The following ESCO2 variants were observed in gnomAD, a reference collection of about 807,000 sequenced individuals.
The protein encoded by ESCO2 is establishment of sister chromatid cohesion N-acetyltransferase 2.
ESCO2 carries 51 observed loss-of-function variants against 61.7 expected under a neutral mutation model. That is an observed-to-expected ratio of 0.83 (90% CI 0.66 to 1.04). ESCO2 has a LOEUF of 1.04. Among genes scored for constraint, ESCO2 ranks in the 50% least tolerant of loss-of-function variants. The pLI is 0.00. For missense variants in ESCO2, 692 were observed against 686.2 expected (o/e 1.01, Z -0.09); for synonymous variants, 230 against 238.2 (o/e 0.97, Z 0.32).
intron 2 of ESCO2, 28 bp from the exon 3 acceptor site, chr8:27,776,334 T>A: frequency 6.4e-7 from 1 of 1,569,888 alleles, no homozygotes; most frequent in Non-Finnish European, 8.7e-7. Flanking sequence ...AAAATAATCT[T>A]ATCAATGGAC....
chr8:27,783,960 T>C, intron 4 of ESCO2, 40 bp from the exon 5 acceptor site: 1 of 1,517,188 alleles, frequency 6.6e-7, no homozygotes, highest in South Asian at 1.1e-5. Flanking sequence ...GCTTTGATTT[T>C]ATTTGGTAAT....
chr8:27,778,291 C>T (rs1585391839), intron 3 of ESCO2: 1 of 152,084 alleles, frequency 6.6e-6, no homozygotes, highest in South Asian at 2.1e-4. Context: ...CCTTGTAAGG[C>T]ATTTAAGTTT....
rs1448108271 is a variant in ESCO2 at position 27,803,636 on chromosome 8, T to C, written c.*198T>C. Reference sequence around the variant, plus strand: ...TCAGGAATAAATTTGTTGAAAATTATCTGGGGATTCAAAGGAAAAATCTTT... The same window carrying C: ...TCAGGAATAAATTTGTTGAAAATTACCTGGGGATTCAAAGGAAAAATCTTT... On this transcript the variant is annotated 3_prime_UTR_variant, in exon 11 of 11. Coordinates refer to ENST00000305188, the MANE Select transcript of ESCO2 (RefSeq NM_001017420.3). The C allele has an allele frequency of 4.4e-6, 6 of 1,358,104 alleles. No homozygotes were observed. The highest frequency in any genetic ancestry group is 4.7e-6 in the Non-Finnish European group (5 of 1,061,634). The allele number at this position is 1,358,104 out of a possible 1,614,324, so 84.1% of individuals were successfully genotyped here. A position where few individuals can be genotyped will look rare whatever the true frequency, so the allele number is the denominator to read the frequency against.
chr8:27,792,095 C>G (rs751033295), intron 8 of ESCO2, 43 bp downstream of exon 8: 2 of 1,595,050 alleles, frequency 1.3e-6, no homozygotes, highest in East Asian at 2.2e-5. Context: ...TCCCCACCCC[C>G]AAGAAATCAA....
downstream of ESCO2, among the ~76,000 whole-genome samples, chr8:27,808,884 G>A (rs928592008): frequency 2.2e-4 from 33 of 152,280 alleles, no homozygotes; most frequent in Middle Eastern, 6.8e-3. Flanking sequence ...AAGGGGCAGT[G>A]CATGCTGGGA....
At chr8:27,772,113 C>G, upstream of ESCO2, 1 of 223,558 alleles carries the variant, frequency 4.5e-6, no homozygotes, top group Non-Finnish European at 8.9e-6. Context: ...CAGGTGTCTC[C>G]TTTCTCACAG....
intron 10 of ESCO2, 40 bp downstream of exon 10, chr8:27,799,756 C>G (rs1285508578): frequency 6.2e-7 from 1 of 1,609,866 alleles, no homozygotes; most frequent in East Asian, 2.2e-5. Flanking sequence ...ACCTTAGATT[C>G]ATAGCTTTCC....
Position 27,804,739 on chromosome 8 carries a change from C to G in ESCO2, c.*1301C>G, listed in dbSNP as rs918180201. On this transcript the variant is annotated 3_prime_UTR_variant, in exon 11 of 11. Coordinates refer to ENST00000305188, the MANE Select transcript of ESCO2 (RefSeq NM_001017420.3). ...GTTTCCAAAATTTAAAAGCCTGGGT[C>G]CCCAAAAGAATGTGGAAGTATTAAA... The G allele has an allele frequency of 2.0e-6, 2 of 984,422 alleles. No homozygotes were observed. Among genetic ancestry groups the G allele is most frequent in the Non-Finnish European group, 2.4e-6 (2 of 829,182 alleles). 61.0% of individuals were successfully genotyped at this position (984,422 alleles called of 1,614,324 possible).
chr8:27,792,374 G>C (rs1166162960), intron 8 of ESCO2, among the ~76,000 whole-genome samples: 3 of 152,020 alleles, frequency 2.0e-5, no homozygotes, highest in African/African-American at 7.3e-5. Flanking sequence ...TTTAGCCACC[G>C]TGAATAATGA....
intron 10 of ESCO2, 31 bp downstream of exon 10, chr8:27,799,747 C>A: frequency 6.2e-7 from 1 of 1,611,300 alleles, no homozygotes; most frequent in Non-Finnish European, 8.5e-7. Flanking sequence ...AGATCCAGAA[C>A]CTTAGATTCA....
chr8:27,789,607 C>T (rs780848599), intron 7 of ESCO2, among the ~76,000 whole-genome samples: 2 of 152,008 alleles, frequency 1.3e-5, no homozygotes, highest in Non-Finnish European at 2.9e-5. Context: ...TGGCGAAAAC[C>T]TGTCTCTACT....
chr8:27,810,311 A>G (rs371650486), downstream of ESCO2: 1 of 1,608,014 alleles, frequency 6.2e-7, no homozygotes, highest in East Asian at 2.2e-5. Flanking sequence ...ATCACTAGAC[A>G]TCTGTTTCCA....
chr8:27,811,107 C>A (rs1379273680), downstream of ESCO2: 1 of 1,613,664 alleles, frequency 6.2e-7, no homozygotes, highest in Non-Finnish European at 8.5e-7. Context: ...TGGCTCTGTG[C>A]CAATGTAACA....
At chr8:27,805,528 T>C (rs1805548023), downstream of ESCO2, among the ~76,000 whole-genome samples, 1 of 152,128 alleles carries the variant, frequency 6.6e-6, no homozygotes, top group Admixed American at 6.5e-5. Context: ...TTTGTTTTGT[T>C]TTTAAGTATA....
downstream of ESCO2, among the ~76,000 whole-genome samples, chr8:27,807,050 C>G (rs1330885771): frequency 1.3e-5 from 2 of 152,148 alleles, no homozygotes; most frequent in Non-Finnish European, 2.9e-5. Context: ...TTATCTATTT[C>G]TATCTACATA....
intron 9 of ESCO2, among the ~76,000 whole-genome samples, chr8:27,798,376 C>G (rs1349158563): frequency 1.3e-5 from 2 of 152,042 alleles, no homozygotes; most frequent in Non-Finnish European, 2.9e-5. Context: ...AGGAGAATCA[C>G]TTGAACCCAG....
rs758575619 is a variant in ESCO2 at position 27,776,668 on chromosome 8, C to T, written c.360C>T (p.Pro120=). ...CTAATGATGAAGATAAATCTTTTCC[C>T]ATTGTGACAGAAAAAATGCAAGGAA... is the stretch of plus-strand genomic sequence containing the variant. ...LKTNDEDKSF[P]IVTEKMQGKP... The change falls in exon 3 of 11, where the codon CCC becomes CCT. Residue 120 remains proline (P), a synonymous_variant. Transcript: ENST00000305188. 3.1e-6 allele frequency: 5 copies of T among 1,613,716 alleles called. No homozygotes were observed. The highest frequency in any genetic ancestry group is 3.4e-6 in the Non-Finnish European group (4 of 1,179,992).
intron 7 of ESCO2, among the ~76,000 whole-genome samples, chr8:27,790,644 C>T (rs980570607): frequency 6.6e-6 from 1 of 151,868 alleles, no homozygotes; most frequent in African/African-American, 2.4e-5. Flanking sequence ...GTAAGTTTTT[C>T]CTATATTTAA....
intron 7 of ESCO2, among the ~76,000 whole-genome samples, chr8:27,791,541 C>T (rs191551907): frequency 1.4e-4 from 21 of 152,304 alleles, no homozygotes; most frequent in Non-Finnish European, 2.8e-4. Context: ...CATCTGTGGT[C>T]TTGTCAAGCA....
Sources: gnomAD v4.1 joint callset for allele counts (sites outside exome capture counted in the v4.1 genomes callset) on GRCh38, gnomAD v4.1.1 for gene constraint, MANE v1.5 for transcripts, NCBI Gene and HGNC (gene_info 2026-07-23, HGNC 2026-07-21) for gene names.